Variants in SPRED1 observed in about 807,000 individuals in gnomAD.
SPRED1 encodes sprouty related EVH1 domain containing 1.
In SPRED1, 18 loss-of-function variants were observed where a neutral mutation model predicts 52.3. The ratio of observed to expected loss-of-function variants is 0.34; its 90% CI spans 0.24 to 0.51. The LOEUF (loss-of-function observed/expected upper bound fraction) is 0.51, where lower values mean the gene tolerates loss of function less well. Ranked by LOEUF, SPRED1 falls within the 20% of genes least tolerant of loss-of-function variation. The pLI, the probability that SPRED1 is intolerant of heterozygous loss-of-function variation, is 0.97. For missense variants in SPRED1, 485 were observed against 551.0 expected, an observed-to-expected ratio of 0.88 and a Z score of 1.20; for synonymous variants, 155 against 179.7, an observed-to-expected ratio of 0.86 and a Z score of 1.10.
intron 1 of SPRED1, among the ~76,000 whole-genome samples, chr15:38,297,850 A>T (rs1390212878): frequency 6.6e-6 from 1 of 152,196 alleles, no homozygotes; most frequent in Non-Finnish European, 1.5e-5. Flanking sequence ...AGTTTGAGGC[A>T]CAGAGGTTTA....
chr15:38,332,402 T>C (rs1005229393), intron 4 of SPRED1, among the ~76,000 whole-genome samples: 9 of 152,032 alleles, frequency 5.9e-5, no homozygotes, highest in African/African-American at 2.2e-4. Context: ...AGTAAGACTC[T>C]GTCTCTACCA....
intron 2 of SPRED1, among the ~76,000 whole-genome samples, chr15:38,311,167 T>C (rs1188840838): frequency 6.6e-6 from 1 of 152,178 alleles, no homozygotes; most frequent in East Asian, 1.9e-4. Flanking sequence ...TATTGGAGTA[T>C]GTTAAATTTT....
At chr15:38,319,313 T>C (rs962165609) in intron 2 of SPRED1, among the ~76,000 whole-genome samples, 1 of 152,230 alleles carries the variant, frequency 6.6e-6, no homozygotes. Flanking sequence ...GTAACAAATA[T>C]TTAATAGTAA....
At chr15:38,312,055 T>C (rs947851013) in intron 2 of SPRED1, among the ~76,000 whole-genome samples, 7 of 152,238 alleles carry the variant, frequency 4.6e-5, no homozygotes, top group African/African-American at 1.4e-4. Context: ...GTTTTGGTTT[T>C]ATAAAATTTA....
At chr15:38,277,871 A>G (rs1894591677) in intron 1 of SPRED1, among the ~76,000 whole-genome samples, 2 of 149,864 alleles carry the variant, frequency 1.3e-5, no homozygotes, top group Non-Finnish European at 3.0e-5. Context: ...AGTGATGTTG[A>G]GCATTTTTTC....
chr15:38,351,363 A>T lies in SPRED1; in HGVS notation c.1034A>T (p.Glu345Val). Residue 345 changes from glutamate to valine, a missense_variant, in exon 7 of 7, where the codon GAA (glutamate) becomes GTA (valine). This residue lies in a region of SPRED1 where 205 missense variants were observed against 245.2 expected (regional missense o/e 0.84). Coordinates refer to ENST00000299084, the MANE Select transcript of SPRED1 (RefSeq NM_152594.3). ...TACTGCCAGGAAAGGTTTAATCATG[A>T]AGAAAATGTTAGGGGAAAATGTCAG... ...CVYCQERFNH[E>V]ENVRGKCQDA... 6.2e-7 allele frequency: 1 copy of T among 1,614,156 alleles called. No individual in the cohort carries two copies. Among genetic ancestry groups the T allele is most frequent in the African/African-American group, 1.3e-5 (1 of 75,036 alleles).
rs1888616512 is a variant in SPRED1, at chr15:38,356,193, T to G, written c.*4529T>G. 1 of 152,166 alleles carries G rather than the reference T, an allele frequency of 6.6e-6. No homozygotes were observed. The highest frequency in any genetic ancestry group is 1.5e-5 in the Non-Finnish European group (1 of 67,990). 9.4% of individuals were successfully genotyped at this position (152,166 alleles called of 1,614,324 possible). A position where few individuals can be genotyped will look rare whatever the true frequency, so the allele number is the denominator to read the frequency against. On this transcript the variant is annotated 3_prime_UTR_variant, in exon 7 of 7. Transcript: ENST00000299084. The stretch of plus-strand genomic sequence containing the variant: ...ACCTCAAAAGTGCCTCACTTGTATA[T>G]TATTTCCATTAAAAGCTTGACTGCA...
chr15:38,291,952 C>T (rs1208951322), intron 1 of SPRED1, among the ~76,000 whole-genome samples: 1 of 152,242 alleles, frequency 6.6e-6, no homozygotes, highest in African/African-American at 2.4e-5. Flanking sequence ...AATTTCTCCT[C>T]ACAAAATAGT....
rs1555387949 is a variant in SPRED1, at chr15:38,272,276, G to GTTTTTTTTTTTTTTTTTTTTTTTTTTTTT, written c.32+19069_32+19070insTTTTTTTTTTTTTTTTTTTTTTTTTTTTT. 4.6e-5 allele frequency among the ~76,000 whole-genome samples: 6 copies of GTTTTTTTTTTTTTTTTTTTTTTTTTTTTT among 131,426 alleles called. 3 individuals carry two copies. Among genetic ancestry groups the GTTTTTTTTTTTTTTTTTTTTTTTTTTTTT allele is most frequent in the Non-Finnish European group, 9.5e-5 (6 of 63,006 alleles). The allele number at this position is 131,426 out of a possible 152,430, so 86.2% of individuals were successfully genotyped here. ...TGAGATTGTAGGGGTCGAATGCTAGGTTTTTTTTTTGAGATGAAGTCTTGC... is the reference window on the plus strand; with the variant it reads ...TGAGATTGTAGGGGTCGAATGCTAGGTTTTTTTTTTTTTTTTTTTTTTTTTTTTTTTTTTTTTTTGAGATGAAGTCTTGC... On this transcript the variant is annotated intron_variant, in intron 1 of 6. Coordinates refer to ENST00000299084, the MANE Select transcript of SPRED1 (RefSeq NM_152594.3).
intron 3 of SPRED1, among the ~76,000 whole-genome samples, chr15:38,323,960 A>G (rs1421537447): frequency 4.6e-5 from 7 of 152,220 alleles, no homozygotes; most frequent in Non-Finnish European, 7.4e-5. Context: ...GGTAGAGTAG[A>G]CTACAGTACT....
At chr15:38,260,225 A>T (rs1438556356) in intron 1 of SPRED1, among the ~76,000 whole-genome samples, 1 of 152,260 alleles carries the variant, frequency 6.6e-6, no homozygotes. Flanking sequence ...CTCTAAAACC[A>T]GTAGGGGAAT....
At chr15:38,302,616 G>A (rs536055422) in intron 2 of SPRED1, among the ~76,000 whole-genome samples, 1 of 152,204 alleles carries the variant, frequency 6.6e-6, no homozygotes, top group South Asian at 2.1e-4. Flanking sequence ...CTAAATTGGA[G>A]CTTTCCAACC....
At position 38,274,545 on chromosome 15, in the gene SPRED1, C is replaced by T. The variant is rs1362220586; in HGVS notation, c.32+21328C>T. ...ATATACAAAGAATGCACATATCCTT[C>T]AGGCAGCTTCCTAAAATGTTTTACA... On this transcript the variant is annotated intron_variant, in intron 1 of 6. Transcript: ENST00000299084. Among the ~76,000 whole-genome samples, 4 of 152,304 alleles carry T rather than the reference C, an allele frequency of 2.6e-5. No individual in the cohort carries two copies. In the South Asian group the frequency reaches 6.2e-4, roughly 24 times the overall value.
chr15:38,334,834 T>G (rs570839213), intron 4 of SPRED1, among the ~76,000 whole-genome samples: 34 of 152,168 alleles, frequency 2.2e-4, no homozygotes, highest in African/African-American at 7.7e-4. Flanking sequence ...TGTGTGTGTG[T>G]GTATCTGTAT....
At chr15:38,294,317 G>A (rs1894986398) in intron 1 of SPRED1, among the ~76,000 whole-genome samples, 1 of 152,132 alleles carries the variant, frequency 6.6e-6, no homozygotes, top group Non-Finnish European at 1.5e-5. Flanking sequence ...TTAAGGCATT[G>A]TAAGAACTTC....
chr15:38,328,862 TACC>T (rs891866156), intron 4 of SPRED1, among the ~76,000 whole-genome samples: 7 of 152,062 alleles, frequency 4.6e-5, no homozygotes, highest in Middle Eastern at 3.4e-3. Context: ...CATAGGCACG[TACC>T]ACCACTCGCG....
At chr15:38,253,351 C>T (rs575665042) in intron 1 of SPRED1, 134 bp downstream of exon 1, 2 of 840,560 alleles carry the variant, frequency 2.4e-6, no homozygotes, top group East Asian at 2.7e-5. Flanking sequence ...CTGGAGATAG[C>T]TGATTTCTTT....
chr15:38,333,503 C>G (rs1476531828), intron 4 of SPRED1, among the ~76,000 whole-genome samples: 3 of 152,066 alleles, frequency 2.0e-5, no homozygotes, highest in Non-Finnish European at 4.4e-5. Context: ...TTCTTTTGTT[C>G]ATTCTTGGAG....
intron 2 of SPRED1, among the ~76,000 whole-genome samples, chr15:38,316,755 T>TTG: frequency 6.8e-6 from 1 of 146,832 alleles, no homozygotes; most frequent in Middle Eastern, 3.5e-3. Context: ...TATGTTTTTT[T>TTG]TTTTTTTTTT....
Sources: allele counts gnomAD v4.1 joint callset (sites outside exome capture counted in the v4.1 genomes callset), GRCh38; gene constraint gnomAD v4.1.1; regional missense constraint gnomAD v4.1.1; transcripts MANE v1.5; gene names NCBI Gene and HGNC (gene_info 2026-07-23, HGNC 2026-07-21).